CFAP57: variants seen among roughly 807,000 people sequenced by gnomAD.
CFAP57 encodes the protein cilia- and flagella-associated protein 57.
Under a neutral mutation model 146.8 loss-of-function variants are expected in CFAP57, and 116 were observed. That is an observed-to-expected ratio of 0.79 (90% CI 0.68 to 0.92). CFAP57 has a LOEUF of 0.92. Ranked by LOEUF, CFAP57 falls within the 40% of genes least tolerant of loss-of-function variation. The pLI, the probability that CFAP57 is intolerant of heterozygous loss-of-function variation, is 0.00. For synonymous variants in CFAP57, 518 were observed against 552.8 expected (o/e 0.94, Z 0.88); for missense variants, 1,377 against 1,527.2 (o/e 0.90, Z 1.64).
chr1:43,250,533 G>A (rs1646297589), intron 22 of CFAP57: 1 of 152,166 alleles, frequency 6.6e-6, no homozygotes, highest in African/African-American at 2.4e-5. Flanking sequence ...AACAAGATTG[G>A]GGCCAAATAG....
intron 11 of CFAP57, among the ~76,000 whole-genome samples, chr1:43,213,485 T>C (rs1235887797): frequency 7.6e-6 from 1 of 131,876 alleles, no homozygotes. Flanking sequence ...ATCTTTACTA[T>C]TGGTGGTACA....
In CFAP57 at chr1:43,201,254, AG is replaced by A. The variant is rs1644109726; in HGVS notation, c.1542+1753del. ...ACATTTAAGAGACTGGTGAAAGAAG[AG>A]GAGCCGATGAAAGACTGAAAATAAA... On this transcript the variant is annotated intron_variant, in intron 9 of 22. Transcript: ENST00000372492. This position sits in a 1 kb window ranked among gnomAD's most constrained non-coding sequence, Gnocchi z 4.4. Among the ~76,000 whole-genome samples, 1 of 152,204 alleles carries A rather than the reference AG, an allele frequency of 6.6e-6. No individual in the cohort carries two copies. Among genetic ancestry groups the A allele is most frequent in the Non-Finnish European group, 1.5e-5 (1 of 68,028 alleles).
At position 43,222,958 on chromosome 1, in the gene CFAP57, C is replaced by A; in HGVS notation, c.2667C>A (p.Asn889Lys). ...EKKLRDEKES[N>K]LRLKGETGIM... ...AGCTTCGGGATGAAAAGGAATCAAACCTGCGGCTCAAGGGAGAAACAGGCA... is the reference window on the plus strand; with the variant it reads ...AGCTTCGGGATGAAAAGGAATCAAAACTGCGGCTCAAGGGAGAAACAGGCA... Residue 889 changes from asparagine (N) to lysine (K), a missense_variant, in exon 16 of 23, where the codon AAC becomes AAA. Transcript: ENST00000372492. 6.5e-7 allele frequency: 1 copy of A among 1,550,360 alleles called. No individual in the cohort carries two copies. The highest frequency in any genetic ancestry group is 8.7e-7 in the Non-Finnish European group (1 of 1,146,810).
chr1:43,198,441 T>G, intron 7 of CFAP57, 40 bp from the exon 8 acceptor site: 6 of 1,605,980 alleles, frequency 3.7e-6, no homozygotes, highest in Non-Finnish European at 5.1e-6. Flanking sequence ...AAGGATTTAG[T>G]GAGCTAAGCT....
At chr1:43,210,225 C>A in intron 11 of CFAP57, 1 of 1,502,956 alleles carries the variant, frequency 6.7e-7, no homozygotes. Context: ...CTGCACTTGA[C>A]CACAGCTGCC....
intron 10 of CFAP57, 102 bp downstream of exon 10, chr1:43,207,034 T>C (rs1189447050): frequency 8.7e-7 from 1 of 1,155,460 alleles, no homozygotes; most frequent in Non-Finnish European, 1.3e-6. Context: ...GGCCTCTGCA[T>C]ACAGGGCCCC....
At chr1:43,187,609 A>T (rs1005113952) in intron 6 of CFAP57, among the ~76,000 whole-genome samples, 2 of 152,024 alleles carry the variant, frequency 1.3e-5, no homozygotes, top group African/African-American at 4.8e-5. Flanking sequence ...ACCTCAAAAA[A>T]AAAAAAAGCG....
chr1:43,247,736 AAACG>A (rs1182154142), intron 22 of CFAP57, among the ~76,000 whole-genome samples: 1 of 152,242 alleles, frequency 6.6e-6, no homozygotes, highest in Non-Finnish European at 1.5e-5. Context: ...AGAAACAAAC[AAACG>A]AAAACTACAT....
intron 18 of CFAP57, among the ~76,000 whole-genome samples, chr1:43,228,007 C>T (rs1645319745): frequency 6.6e-6 from 1 of 152,168 alleles, no homozygotes; most frequent in Non-Finnish European, 1.5e-5. Context: ...CCCGCTGCTG[C>T]TATCACCCTG....
intron 11 of CFAP57, chr1:43,210,276 C>G (rs1644545838): frequency 6.9e-7 from 1 of 1,449,624 alleles, no homozygotes; most frequent in Admixed American, 2.6e-5. Context: ...GGAGCCATAG[C>G]CCTGAAGATT....
chr1:43,210,399 A>G lies in CFAP57; in HGVS notation c.1929+483A>G. On this transcript the variant is annotated intron_variant, in intron 11 of 22. Transcript: ENST00000372492. ...TTCTCATAAAGTAGTATCTATGTTC[A>G]ACAGTCAAAATGTGGAAGCAACCAA... 1.1e-5 allele frequency: 13 copies of G among 1,218,166 alleles called. No individual in the cohort carries two copies. In the South Asian group the frequency reaches 2.8e-4, roughly 26 times the overall value. The allele number at this position is 1,218,166 out of a possible 1,614,324, so 75.5% of individuals were successfully genotyped here.
At chr1:43,237,515 T>C (rs1022475325) in intron 21 of CFAP57, among the ~76,000 whole-genome samples, 1 of 152,142 alleles carries the variant, frequency 6.6e-6, no homozygotes, top group East Asian at 1.9e-4. Flanking sequence ...GCTCAACTCA[T>C]TGTATGCAGT....
At chr1:43,200,521 C>A (rs965239857) in intron 9 of CFAP57, among the ~76,000 whole-genome samples, 6 of 149,324 alleles carry the variant, frequency 4.0e-5, no homozygotes, top group East Asian at 2.0e-4. Flanking sequence ...GAAAGAAAAG[C>A]AAAAGAAAAA....
chr1:43,203,754 C>T (rs374397932), intron 9 of CFAP57, among the ~76,000 whole-genome samples: 9 of 152,230 alleles, frequency 5.9e-5, no homozygotes, highest in East Asian at 1.9e-4. Context: ...CCACCGTGGC[C>T]GGCCAGCTTT....
At chr1:43,232,433 A>G in intron 18 of CFAP57, 75 bp from the exon 19 acceptor site, 1 of 1,289,912 alleles carries the variant, frequency 7.8e-7, no homozygotes, top group Non-Finnish European at 1.1e-6. Flanking sequence ...TCCCCACTGA[A>G]AGACTACAGT....
chr1:43,209,631 T>G, intron 10 of CFAP57, 112 bp from the exon 11 acceptor site: 6 of 1,140,714 alleles, frequency 5.3e-6, no homozygotes, highest in Non-Finnish European at 7.6e-6. Context: ...AAAGCATTTT[T>G]TAAAGACAAG....
At chr1:43,197,135 T>C (rs892516621) in intron 6 of CFAP57, among the ~76,000 whole-genome samples, 1 of 151,964 alleles carries the variant, frequency 6.6e-6, no homozygotes, top group Non-Finnish European at 1.5e-5. Flanking sequence ...GGGCGGATCA[T>C]AAGGTCAGGA....
chr1:43,199,356 T>C lies in CFAP57; in HGVS notation c.1429-34T>C, dbSNP rs768015232. 31 of 1,602,348 alleles carry C rather than the reference T, an allele frequency of 1.9e-5. No homozygotes were observed. In the Middle Eastern group the frequency reaches 9.9e-4, roughly 51 times the overall value. ...ACCTCTAATTAGACTGCTCACTTCC[T>C]GCTTGCTTGCTCTCTTGCTGTCTTT... is the stretch of plus-strand genomic sequence containing the variant. On this transcript the variant is annotated intron_variant, in intron 8 of 22. Coordinates refer to ENST00000372492, the MANE Select transcript of CFAP57 (RefSeq NM_001378189.1).
intron 6 of CFAP57, among the ~76,000 whole-genome samples, chr1:43,192,893 C>T (rs567563903): frequency 6.6e-6 from 1 of 152,120 alleles, no homozygotes; most frequent in African/African-American, 2.4e-5. Context: ...TGCCATTGTA[C>T]TCCAGCCTGG....
Sources: allele counts gnomAD v4.1 joint callset (sites outside exome capture counted in the v4.1 genomes callset), GRCh38; gene constraint gnomAD v4.1.1; non-coding constraint Gnocchi (gnomAD v3.1); transcripts MANE v1.5; gene names NCBI Gene and HGNC (gene_info 2026-07-23, HGNC 2026-07-21).